The following NFIB variants were observed in gnomAD, a reference collection of about 807,000 sequenced individuals.
NFIB encodes nuclear factor 1 B-type.
NFIB carries 11 observed loss-of-function variants against 61.5 expected under a neutral mutation model. The ratio of observed to expected loss-of-function variants is 0.18; its 90% CI spans 0.11 to 0.30. NFIB has a LOEUF of 0.30. NFIB is among the 10% of genes least tolerant of loss of function. The pLI is 1.00. For synonymous variants in NFIB, 260 were observed against 216.5 expected, an observed-to-expected ratio of 1.20 and a Z score of -1.76; for missense variants, 471 against 608.9, an observed-to-expected ratio of 0.77 and a Z score of 2.38.
At chr9:14,345,098 C>A (rs926796243) in intron 1 of NFIB, among the ~76,000 whole-genome samples, 1 of 152,158 alleles carries the variant, frequency 6.6e-6, no homozygotes, top group African/African-American at 2.4e-5. Context: ...CCTGGGGGAA[C>A]TGGCCATTAA....
intron 1 of NFIB, among the ~76,000 whole-genome samples, chr9:14,311,961 G>A (rs1427114913): frequency 6.6e-6 from 1 of 152,150 alleles, no homozygotes; most frequent in Non-Finnish European, 1.5e-5. Context: ...AAGGCAATTC[G>A]TTATACCTGA....
chr9:14,102,783 A>G (rs1021445927), intron 10 of NFIB, among the ~76,000 whole-genome samples: 10 of 152,358 alleles, frequency 6.6e-5, no homozygotes, highest in Non-Finnish European at 1.2e-4. Flanking sequence ...AGCCATTATT[A>G]GAGCACAAAT....
intron 2 of NFIB, among the ~76,000 whole-genome samples, chr9:14,196,900 T>C (rs191414710): frequency 1.3e-5 from 2 of 152,356 alleles, no homozygotes; most frequent in East Asian, 1.9e-4. Flanking sequence ...TCCAGAATTA[T>C]AAATGTTATT....
intron 10 of NFIB, among the ~76,000 whole-genome samples, chr9:14,104,251 A>AG (rs953506326): frequency 5.9e-5 from 9 of 152,126 alleles, no homozygotes; most frequent in Non-Finnish European, 1.0e-4. Flanking sequence ...ACTCACATGA[A>AG]GGAAAAAAAA....
chr9:14,109,998 G>A (rs569988339), intron 10 of NFIB, among the ~76,000 whole-genome samples: 6 of 152,088 alleles, frequency 3.9e-5, no homozygotes, highest in African/African-American at 1.4e-4. Context: ...CCAAGTAAAT[G>A]ATATGAAAGT....
At chr9:14,459,433 A>G in the NFIB span, among the ~76,000 whole-genome samples, 1 of 152,224 alleles carries the variant, frequency 6.6e-6, no homozygotes, top group Non-Finnish European at 1.5e-5. Context: ...AACCTAGGCA[A>G]TACCATTCAG....
At chr9:14,442,917 G>A in the NFIB span, among the ~76,000 whole-genome samples, 3 of 152,086 alleles carry the variant, frequency 2.0e-5, no homozygotes, top group African/African-American at 7.2e-5. Flanking sequence ...TTTGCAGTCT[G>A]CGGAAGGCTA....
At chr9:14,418,303 C>T in the NFIB span, among the ~76,000 whole-genome samples, 3 of 152,192 alleles carry the variant, frequency 2.0e-5, no homozygotes, top group Non-Finnish European at 4.4e-5. Flanking sequence ...GGCTTTCATG[C>T]CTAAATACAG....
At chr9:14,107,896 A>G (rs1441391417) in intron 10 of NFIB, among the ~76,000 whole-genome samples, 2 of 152,186 alleles carry the variant, frequency 1.3e-5, no homozygotes, top group Non-Finnish European at 2.9e-5. Context: ...TCTGTTGATT[A>G]AAGTTAACGT....
chr9:14,128,844 C>T (rs1258693254), intron 6 of NFIB, among the ~76,000 whole-genome samples: 1 of 152,048 alleles, frequency 6.6e-6, no homozygotes, highest in Non-Finnish European at 1.5e-5. Context: ...CAGGCAAATT[C>T]ATGGGTCTCC....
chr9:14,338,526 A>T (rs2132867853), intron 1 of NFIB, among the ~76,000 whole-genome samples: 1 of 152,316 alleles, frequency 6.6e-6, no homozygotes, highest in African/African-American at 2.4e-5. Flanking sequence ...CTAGTGACCT[A>T]ACATCTGAGC....
At chr9:14,293,013 G>T (rs938280371) in intron 2 of NFIB, among the ~76,000 whole-genome samples, 2 of 152,020 alleles carry the variant, frequency 1.3e-5, no homozygotes, top group Non-Finnish European at 2.9e-5. Context: ...CTTCTAAAAG[G>T]ATTAAATAAC....
At chr9:14,335,186 T>C (rs1355897070) in intron 1 of NFIB, among the ~76,000 whole-genome samples, 1 of 152,206 alleles carries the variant, frequency 6.6e-6, no homozygotes, top group Non-Finnish European at 1.5e-5. Flanking sequence ...TTCTGTTGGG[T>C]AGATATCTAG....
chr9:14,480,577 G>C, the NFIB span, among the ~76,000 whole-genome samples: 1 of 152,154 alleles, frequency 6.6e-6, no homozygotes, highest in Non-Finnish European at 1.5e-5. Context: ...TTGGGTTAAT[G>C]AGCCCCACAA....
chr9:14,111,235 T>C (rs1361198727), intron 10 of NFIB, among the ~76,000 whole-genome samples: 5 of 152,180 alleles, frequency 3.3e-5, no homozygotes, highest in African/African-American at 1.2e-4. Flanking sequence ...GATATATTTT[T>C]AGATATGTGA....
the NFIB span, chr9:14,531,936 G>C: frequency 6.6e-6 from 1 of 152,114 alleles, no homozygotes; most frequent in Non-Finnish European, 1.5e-5. Flanking sequence ...ATGTTATTAC[G>C]CCAAACTTAC....
At chr9:14,179,596 A>AT in intron 3 of NFIB, 131 bp downstream of exon 3, 1 of 878,032 alleles carries the variant, frequency 1.1e-6, no homozygotes, top group Non-Finnish European at 1.8e-6. Flanking sequence ...GCACAATCAC[A>AT]TCTTGTCCCG....
chr9:14,480,880 C>T, the NFIB span, among the ~76,000 whole-genome samples: 1 of 152,062 alleles, frequency 6.6e-6, no homozygotes, highest in African/African-American at 2.4e-5. Flanking sequence ...TGCATCACTC[C>T]TGCTGGAAAT....
At chr9:14,157,697 C>G (rs2043597341) in intron 3 of NFIB, among the ~76,000 whole-genome samples, 1 of 152,140 alleles carries the variant, frequency 6.6e-6, no homozygotes, top group Non-Finnish European at 1.5e-5. Flanking sequence ...AGGACACTGA[C>G]TGTCTTGCCT....
Sources: gnomAD v4.1 joint callset for allele counts (sites outside exome capture counted in the v4.1 genomes callset) on GRCh38, gnomAD v4.1.1 for gene constraint, MANE v1.5 for transcripts, NCBI Gene and HGNC (gene_info 2026-07-23, HGNC 2026-07-21) for gene names.